RBBP8: variants seen among roughly 807,000 people sequenced by gnomAD.
RBBP8 encodes the protein RB binding protein 8, endonuclease, also known as DNA endonuclease RBBP8.
A neutral mutation model predicts 108.3 loss-of-function variants in RBBP8; 88 were observed. That is an observed-to-expected ratio of 0.81 (90% CI 0.68 to 0.97). The LOEUF (loss-of-function observed/expected upper bound fraction) is 0.97. Ranked by LOEUF, RBBP8 falls within the 50% of genes least tolerant of loss-of-function variation. The pLI, the probability that RBBP8 is intolerant of heterozygous loss-of-function variation, is 0.00. For missense variants in RBBP8, 1,023 were observed against 1,049.0 expected (o/e 0.98, Z 0.34); for synonymous variants, 332 against 348.2 (o/e 0.95, Z 0.52).
chr18:23,004,336 A>G (rs1298480857), intron 15 of RBBP8, among the ~76,000 whole-genome samples: 1 of 152,112 alleles, frequency 6.6e-6, no homozygotes, highest in African/African-American at 2.4e-5. Flanking sequence ...TTAACCACTA[A>G]AAAGAACAAA....
At position 22,993,153 on chromosome 18, in the gene RBBP8, C is replaced by T; in HGVS notation, c.1326C>T (p.Gly442=). 1 of 1,614,030 alleles carries T rather than the reference C, an allele frequency of 6.2e-7. No individual in the cohort carries two copies. The highest frequency in any genetic ancestry group is 8.5e-7 in the Non-Finnish European group (1 of 1,179,964). The part of the protein sequence containing the change: ...KHLEPLKSLG[G]RTSKRKKTEE... Reference sequence around the variant, plus strand: ...TGGAGCCCCTGAAATCATTGGGAGGCCGAACATCCAAAAGGAAGAAAACTG... The same window carrying T: ...TGGAGCCCCTGAAATCATTGGGAGGTCGAACATCCAAAAGGAAGAAAACTG... The change falls in exon 11 of 19, where the codon GGC becomes GGT. Residue 442 remains glycine, a synonymous_variant. Transcript: ENST00000327155.
At chr18:22,946,035 A>G (rs1348000378) in intron 2 of RBBP8, among the ~76,000 whole-genome samples, 1 of 152,210 alleles carries the variant, frequency 6.6e-6, no homozygotes, top group Non-Finnish European at 1.5e-5. Context: ...GTACTTTTCC[A>G]TAAGGAATTT....
Position 23,004,254 on chromosome 18 carries a change from T to C in RBBP8, c.2288-2109T>C, listed in dbSNP as rs1412145832. 3.3e-5 allele frequency among the ~76,000 whole-genome samples: 5 copies of C among 151,552 alleles called. No homozygotes were observed. In the East Asian group the frequency reaches 9.6e-4, roughly 29 times the overall value. Reference sequence around the variant, plus strand: ...GTCTACTTACAGATAAAGAAAATGATATATAGCTAGATAGGTGTATATATA... The same window carrying C: ...GTCTACTTACAGATAAAGAAAATGACATATAGCTAGATAGGTGTATATATA... On this transcript the variant is annotated intron_variant, in intron 15 of 18. Transcript: ENST00000327155.
At chr18:23,001,284 T>A (rs1034045449) in intron 14 of RBBP8, among the ~76,000 whole-genome samples, 2 of 152,358 alleles carry the variant, frequency 1.3e-5, no homozygotes, top group South Asian at 4.1e-4. Context: ...GTAAGGCCTG[T>A]AATCCACATT....
chr18:22,928,422 G>C (rs1909872890), upstream of RBBP8, among the ~76,000 whole-genome samples: 1 of 152,174 alleles, frequency 6.6e-6, no homozygotes, highest in Admixed American at 6.5e-5. Flanking sequence ...GCCTGAAAGA[G>C]GTAGTGCCTG....
intron 17 of RBBP8, 35 bp from the exon 18 acceptor site, chr18:23,022,094 C>A (rs1393455519): frequency 2.0e-6 from 3 of 1,498,132 alleles, no homozygotes; most frequent in Non-Finnish European, 2.8e-6. Flanking sequence ...ATTTATTATT[C>A]TTTAGTGAAA....
At chr18:22,973,952 C>A (rs1914315872) in intron 5 of RBBP8, among the ~76,000 whole-genome samples, 2 of 152,140 alleles carry the variant, frequency 1.3e-5, no homozygotes, top group Admixed American at 1.3e-4. Context: ...CTGCACATTG[C>A]TTTAGGTCAC....
intron 16 of RBBP8, among the ~76,000 whole-genome samples, chr18:23,014,879 GT>G (rs534648989): frequency 1.3e-5 from 2 of 150,374 alleles, no homozygotes; most frequent in African/African-American, 4.9e-5. Flanking sequence ...CTTTTTTCTG[GT>G]TTTTTTTTGT....
At chr18:22,957,233 T>C (rs1464745527) in intron 4 of RBBP8, among the ~76,000 whole-genome samples, 1 of 151,862 alleles carries the variant, frequency 6.6e-6, no homozygotes, top group East Asian at 1.9e-4. Flanking sequence ...TGTGCTTTCA[T>C]AGTACTCTGT....
chr18:23,001,762 C>T lies in RBBP8; in HGVS notation c.2287+33C>T, dbSNP rs751208579. On this transcript the variant is annotated intron_variant, in intron 15 of 18. Coordinates refer to ENST00000327155, the MANE Select transcript of RBBP8 (RefSeq NM_002894.3). ...TTTTTTCTGTTTAATTATGGCTTCT[C>T]AGTTGCAGAATTCAGTAAGTTAAGT... 5 of 1,612,102 alleles carry T rather than the reference C, an allele frequency of 3.1e-6. No homozygotes were observed. In the South Asian group the frequency reaches 3.3e-5, roughly 11 times the overall value.
chr18:22,950,414 T>G (rs1456621897), intron 4 of RBBP8, among the ~76,000 whole-genome samples: 1 of 152,096 alleles, frequency 6.6e-6, no homozygotes, highest in African/African-American at 2.4e-5. Context: ...AGCGAGACCC[T>G]GTCTCTACAA....
intron 7 of RBBP8, among the ~76,000 whole-genome samples, chr18:22,983,324 T>C (rs982240882): frequency 1.3e-5 from 2 of 152,216 alleles, no homozygotes; most frequent in African/African-American, 4.8e-5. Context: ...AATATGCCTT[T>C]AAACAAATAA....
At chr18:22,990,264 G>A (rs969503408) in intron 9 of RBBP8, among the ~76,000 whole-genome samples, 1 of 152,162 alleles carries the variant, frequency 6.6e-6, no homozygotes. Context: ...GTTTGGTAGA[G>A]ATGCAGAATC....
chr18:23,026,112 C>T (rs2046446633), intron 18 of RBBP8, 31 bp from the exon 19 acceptor site: 1 of 1,524,782 alleles, frequency 6.6e-7, no homozygotes, highest in African/African-American at 1.4e-5. Context: ...GTTGCACATA[C>T]AGTCTTCTAA....
At chr18:22,976,879 C>T (rs1308717802) in intron 6 of RBBP8, among the ~76,000 whole-genome samples, 3 of 152,016 alleles carry the variant, frequency 2.0e-5, no homozygotes, top group Non-Finnish European at 4.4e-5. Flanking sequence ...GAAACTATAT[C>T]GTGTCATTTG....
intron 13 of RBBP8, 68 bp downstream of exon 13, chr18:22,996,530 T>C (rs2045862355): frequency 1.3e-6 from 2 of 1,583,582 alleles, no homozygotes; most frequent in Admixed American, 1.8e-5. Flanking sequence ...CAACCTCCTC[T>C]CGTGACTCAC....
At position 22,963,718 on chromosome 18, in the gene RBBP8, C is replaced by T. The variant is rs751667237; in HGVS notation, c.249-5088C>T. On this transcript the variant is annotated intron_variant, in intron 4 of 18. Coordinates refer to ENST00000327155, the MANE Select transcript of RBBP8 (RefSeq NM_002894.3). ...TGCCTCCTCCAGTAGATTTCTGAGACGGAGTGTATGAGACCTAAAAAAAGT... is the reference window on the plus strand; with the variant it reads ...TGCCTCCTCCAGTAGATTTCTGAGATGGAGTGTATGAGACCTAAAAAAAGT... Among the ~76,000 whole-genome samples, 44 of 152,104 alleles carry T rather than the reference C, an allele frequency of 2.9e-4. 1 individual carries two copies. The highest frequency in any genetic ancestry group is 1.9e-3 in the South Asian group (9 of 4,818).
intron 4 of RBBP8, among the ~76,000 whole-genome samples, chr18:22,961,436 G>C (rs1913089226): frequency 6.6e-6 from 1 of 152,288 alleles, no homozygotes; most frequent in East Asian, 1.9e-4. Flanking sequence ...TGAGTGGTAG[G>C]GCAAGTGTGT....
intron 7 of RBBP8, among the ~76,000 whole-genome samples, chr18:22,982,993 AT>A (rs1485564287): frequency 6.6e-6 from 1 of 152,128 alleles, no homozygotes; most frequent in Non-Finnish European, 1.5e-5. Flanking sequence ...GTAACTGGCT[AT>A]TTTTATTTGT....
Sources: gnomAD v4.1 joint callset for allele counts (sites outside exome capture counted in the v4.1 genomes callset) on GRCh38, gnomAD v4.1.1 for gene constraint, MANE v1.5 for transcripts, NCBI Gene and HGNC (gene_info 2026-07-23, HGNC 2026-07-21) for gene names.